The following UNC5D variants were observed in gnomAD, a reference collection of about 807,000 sequenced individuals.
The protein encoded by UNC5D is unc-5 netrin receptor D, also known as netrin receptor UNC5D.
UNC5D carries 39 observed loss-of-function variants against 105.4 expected under a neutral mutation model. That is an observed-to-expected ratio of 0.37 (90% CI 0.29 to 0.48). The LOEUF is 0.48. Among genes scored for constraint, UNC5D ranks in the 20% least tolerant of loss-of-function variants. The pLI, the probability that UNC5D is intolerant of heterozygous loss-of-function variation, is 0.98. For synonymous variants in UNC5D, 452 were observed against 450.4 expected, an observed-to-expected ratio of 1.00 and a Z score of -0.04; for missense variants, 991 against 1,202.4, an observed-to-expected ratio of 0.82 and a Z score of 2.60.
intron 1 of UNC5D, among the ~76,000 whole-genome samples, chr8:35,506,715 G>A (rs1010758371): frequency 6.6e-6 from 1 of 152,166 alleles, no homozygotes; most frequent in African/African-American, 2.4e-5. Flanking sequence ...TGAGAGCACT[G>A]ATTGAATACT....
At chr8:35,335,232 A>G (rs1810935853) in intron 1 of UNC5D, among the ~76,000 whole-genome samples, 2 of 152,158 alleles carry the variant, frequency 1.3e-5, no homozygotes, top group African/African-American at 4.8e-5. Flanking sequence ...TACAAATAAA[A>G]CTATGATTCT....
chr8:35,608,231 A>G (rs1011602192), intron 4 of UNC5D, among the ~76,000 whole-genome samples: 1 of 152,200 alleles, frequency 6.6e-6, no homozygotes, highest in Non-Finnish European at 1.5e-5. Flanking sequence ...GACACAGACT[A>G]GCTGAAATTA....
chr8:35,726,009 TG>T, intron 9 of UNC5D, 142 bp from the exon 10 acceptor site: 1 of 1,128,830 alleles, frequency 8.9e-7, no homozygotes, highest in Non-Finnish European at 1.2e-6. Flanking sequence ...GCACCCAACC[TG>T]GCAGGGTGGT....
At chr8:35,243,041 G>C (rs1220933546) in intron 1 of UNC5D, among the ~76,000 whole-genome samples, 2 of 152,112 alleles carry the variant, frequency 1.3e-5, no homozygotes, top group Non-Finnish European at 2.9e-5. Context: ...ATGTGCATTT[G>C]AATTACTGCA....
intron 3 of UNC5D, among the ~76,000 whole-genome samples, chr8:35,592,030 T>G (rs1377792832): frequency 6.6e-6 from 1 of 152,218 alleles, no homozygotes; most frequent in East Asian, 1.9e-4. Flanking sequence ...ATATTTTCTG[T>G]TAAACCAATT....
intron 4 of UNC5D, among the ~76,000 whole-genome samples, chr8:35,607,616 C>A (rs1206278995): frequency 6.6e-6 from 1 of 152,052 alleles, no homozygotes; most frequent in Non-Finnish European, 1.5e-5. Context: ...GGACAGTTTC[C>A]CCCATGCTGG....
chr8:35,413,764 A>T (rs1481104691), intron 1 of UNC5D, among the ~76,000 whole-genome samples: 3 of 152,136 alleles, frequency 2.0e-5, no homozygotes, highest in Non-Finnish European at 4.4e-5. Flanking sequence ...AGACTGGCTT[A>T]AGAAATCACA....
intron 1 of UNC5D, among the ~76,000 whole-genome samples, chr8:35,445,303 G>C (rs1807701370): frequency 3.9e-5 from 6 of 151,934 alleles, no homozygotes; most frequent in Non-Finnish European, 2.9e-5. Flanking sequence ...AATTGAAAAG[G>C]AGTTAACAAA....
intron 1 of UNC5D, among the ~76,000 whole-genome samples, chr8:35,306,939 T>G (rs1437961822): frequency 1.3e-5 from 2 of 152,188 alleles, no homozygotes; most frequent in Non-Finnish European, 2.9e-5. Context: ...ATTTCCAGTT[T>G]GAGCTATTTG....
At chr8:35,666,773 C>G (rs965530821) in intron 4 of UNC5D, among the ~76,000 whole-genome samples, 1 of 152,116 alleles carries the variant, frequency 6.6e-6, no homozygotes. Context: ...AATGAAAACT[C>G]AATTTGGTTA....
At chr8:35,517,584 G>C (rs1447075605) in intron 1 of UNC5D, among the ~76,000 whole-genome samples, 1 of 152,134 alleles carries the variant, frequency 6.6e-6, no homozygotes, top group Admixed American at 6.5e-5. Context: ...CCATGAGCTT[G>C]CAGAGCAGTT....
intron 1 of UNC5D, among the ~76,000 whole-genome samples, chr8:35,429,309 G>A (rs560247518): frequency 3.3e-5 from 5 of 152,164 alleles, no homozygotes; most frequent in African/African-American, 1.2e-4. Context: ...ATGAGATTAT[G>A]AATTAATTAA....
chr8:35,571,876 G>A (rs1424795304), intron 3 of UNC5D, among the ~76,000 whole-genome samples: 2 of 152,112 alleles, frequency 1.3e-5, no homozygotes, highest in Admixed American at 1.3e-4. Context: ...TCATCTTGAG[G>A]GGGCTTTGCA....
At chr8:35,552,360 A>C (rs1450361356) in intron 2 of UNC5D, among the ~76,000 whole-genome samples, 3 of 152,168 alleles carry the variant, frequency 2.0e-5, no homozygotes, top group Admixed American at 6.5e-5. Context: ...ACCTTTGCCT[A>C]TAGATTTCTA....
intron 1 of UNC5D, among the ~76,000 whole-genome samples, chr8:35,294,491 T>C (rs539463666): frequency 4.9e-4 from 75 of 152,302 alleles, no homozygotes; most frequent in African/African-American, 1.8e-3. Flanking sequence ...TGGCATTTAA[T>C]TCTTTTTGCT....
intron 11 of UNC5D, among the ~76,000 whole-genome samples, chr8:35,734,782 A>ATTTTTTTTTTT (rs1171276656): frequency 1.7e-4 from 22 of 126,716 alleles, no homozygotes; most frequent in South Asian, 2.5e-4. Flanking sequence ...CACACTTTAA[A>ATTTTTTTTTTT]TTTTTTTTTT....
chr8:35,437,726 C>T (rs1300580497), intron 1 of UNC5D, among the ~76,000 whole-genome samples: 1 of 152,002 alleles, frequency 6.6e-6, no homozygotes, highest in Non-Finnish European at 1.5e-5. Context: ...CCTTGTGGGG[C>T]CTTCTGTAAA....
intron 1 of UNC5D, among the ~76,000 whole-genome samples, chr8:35,298,869 G>A (rs1003034118): frequency 6.6e-6 from 1 of 152,182 alleles, no homozygotes; most frequent in East Asian, 1.9e-4. Context: ...AAAGTGATTA[G>A]GTTAGAAGAA....
chr8:35,750,914 A>C (rs1586585655), intron 13 of UNC5D, 105 bp downstream of exon 13: 7 of 1,355,032 alleles, frequency 5.2e-6, no homozygotes, highest in Admixed American at 3.7e-5. Flanking sequence ...TAGAAAATGA[A>C]CCCACGCCAC....
Sources: allele counts gnomAD v4.1 joint callset (sites outside exome capture counted in the v4.1 genomes callset), GRCh38; gene constraint gnomAD v4.1.1; transcripts MANE v1.5; gene names NCBI Gene and HGNC (gene_info 2026-07-23, HGNC 2026-07-21).